STARD13: variants seen among roughly 807,000 people sequenced by gnomAD.
STARD13 encodes StAR related lipid transfer domain containing 13, also known as stAR-related lipid transfer protein 13.
STARD13 carries 62 observed loss-of-function variants against 106.4 expected under a neutral mutation model. The ratio of observed to expected loss-of-function variants is 0.58; its 90% CI spans 0.48 to 0.72. The LOEUF (loss-of-function observed/expected upper bound fraction) is 0.72, where lower values mean the gene tolerates loss of function less well. Ranked by LOEUF, STARD13 falls within the 30% of genes least tolerant of loss-of-function variation. The pLI is 0.00. For missense variants in STARD13, 1,387 were observed against 1,424.0 expected (o/e 0.97, Z 0.42); for synonymous variants, 565 against 553.0 (o/e 1.02, Z -0.31).
chr13:33,495,890 A>T, the STARD13 span, among the ~76,000 whole-genome samples: 1 of 145,006 alleles, frequency 6.9e-6, no homozygotes. Flanking sequence ...ACATATAATT[A>T]TATATAGTTA....
the STARD13 span, among the ~76,000 whole-genome samples, chr13:33,492,868 T>C: frequency 7.2e-5 from 11 of 152,118 alleles, no homozygotes; most frequent in East Asian, 1.9e-3. Context: ...GAACTCTCTC[T>C]TGGGGTCTGG....
the STARD13 span, among the ~76,000 whole-genome samples, chr13:33,574,913 C>CTTTTT: frequency 1.5e-4 from 18 of 117,580 alleles, no homozygotes; most frequent in East Asian, 8.0e-4. Flanking sequence ...TATGCATCTA[C>CTTTTT]TTTTTTTTTT....
At chr13:33,132,819 A>G (rs554063443) in intron 4 of STARD13, among the ~76,000 whole-genome samples, 2 of 152,372 alleles carry the variant, frequency 1.3e-5, no homozygotes, top group South Asian at 2.1e-4. Context: ...GTACAAGTGG[A>G]AAAAGGGCAA....
chr13:33,671,045 A>G, the STARD13 span, among the ~76,000 whole-genome samples: 1 of 152,172 alleles, frequency 6.6e-6, no homozygotes, highest in Admixed American at 6.5e-5. Context: ...GCTGATAGGT[A>G]TTTTTTCAAA....
intron 3 of STARD13, among the ~76,000 whole-genome samples, chr13:33,154,179 A>G (rs925593039): frequency 2.6e-5 from 4 of 152,196 alleles, no homozygotes; most frequent in Admixed American, 2.6e-4. Flanking sequence ...CACTGGGGGC[A>G]GGGGGCAGGA....
chr13:33,476,446 T>C, the STARD13 span, among the ~76,000 whole-genome samples: 1 of 152,238 alleles, frequency 6.6e-6, no homozygotes, highest in East Asian at 1.9e-4. Context: ...AAAGAAATTA[T>C]TGTGCACTTG....
chr13:33,394,107 C>T, the STARD13 span, among the ~76,000 whole-genome samples: 1 of 152,098 alleles, frequency 6.6e-6, no homozygotes, highest in African/African-American at 2.4e-5. Context: ...ACAATATGAA[C>T]ATCCTGAAAG....
rs117674403 is a variant in STARD13, at chr13:33,203,126, G to A, written c.170-35504C>T. Among the ~76,000 whole-genome samples, 1,478 of 152,282 alleles carry A rather than the reference G, an allele frequency of 9.7e-3. 13 individuals are homozygous for A. Among genetic ancestry groups the A allele is most frequent in the Non-Finnish European group, 0.013 (871 of 68,032 alleles). ...CACATTCTGATTCCCACAATGCAGC[G>A]GAAGAGCACAGTTGAATGGCGTGGC... On this transcript the variant is annotated intron_variant, in intron 1 of 13. Transcript: ENST00000336934.
At chr13:33,664,866 T>A in the STARD13 span, among the ~76,000 whole-genome samples, 3 of 152,192 alleles carry the variant, frequency 2.0e-5, no homozygotes, top group Non-Finnish European at 4.4e-5. Context: ...GACCTCATGA[T>A]CCGCCCGCCT....
chr13:33,214,609 A>C (rs537306310), intron 1 of STARD13, among the ~76,000 whole-genome samples: 37 of 152,068 alleles, frequency 2.4e-4, no homozygotes, highest in African/African-American at 8.4e-4. Context: ...GAACTTATTA[A>C]AGACCTTAGC....
chr13:33,304,250 T>C (rs985997110), intron 1 of STARD13, among the ~76,000 whole-genome samples: 2 of 152,154 alleles, frequency 1.3e-5, no homozygotes, highest in Non-Finnish European at 2.9e-5. Flanking sequence ...CTATTTTATT[T>C]ACATCATATA....
At chr13:33,222,837 A>G (rs1888429462) in intron 1 of STARD13, among the ~76,000 whole-genome samples, 1 of 152,258 alleles carries the variant, frequency 6.6e-6, no homozygotes, top group South Asian at 2.1e-4. Context: ...TGTAACAAAT[A>G]ATGTCACAGA....
At chr13:33,504,632 C>T in the STARD13 span, among the ~76,000 whole-genome samples, 21 of 151,632 alleles carry the variant, frequency 1.4e-4, no homozygotes, top group East Asian at 3.7e-3. Flanking sequence ...AGAGGGATAA[C>T]ATTAGGAGAT....
the STARD13 span, among the ~76,000 whole-genome samples, chr13:33,612,547 C>A: frequency 6.6e-6 from 1 of 152,084 alleles, no homozygotes; most frequent in Non-Finnish European, 1.5e-5. Context: ...TTGCAAAAAC[C>A]GCACCATCCT....
intron 1 of STARD13, among the ~76,000 whole-genome samples, chr13:33,312,269 A>C (rs149396731): frequency 7.2e-5 from 11 of 152,298 alleles, no homozygotes; most frequent in African/African-American, 2.6e-4. Flanking sequence ...ACAAAACGTT[A>C]TGTTCCTGTT....
chr13:33,261,517 C>T (rs1890640145), intron 1 of STARD13, among the ~76,000 whole-genome samples: 1 of 152,090 alleles, frequency 6.6e-6, no homozygotes, highest in African/African-American at 2.4e-5. Flanking sequence ...TTGGAGATCC[C>T]AGGTGGTCAT....
chr13:33,122,408 C>T (rs1019261778), intron 7 of STARD13, among the ~76,000 whole-genome samples: 2 of 152,166 alleles, frequency 1.3e-5, no homozygotes, highest in East Asian at 1.9e-4. Flanking sequence ...CACCCATGGA[C>T]GGGCAGCCTG....
chr13:33,636,352 A>C, the STARD13 span, among the ~76,000 whole-genome samples: 61 of 152,150 alleles, frequency 4.0e-4, 1 homozygote, highest in Admixed American at 4.0e-3. Flanking sequence ...TTGGAGGCTC[A>C]GCAGCTTTTC....
the STARD13 span, among the ~76,000 whole-genome samples, chr13:33,541,552 A>G: frequency 3.3e-5 from 5 of 152,240 alleles, no homozygotes; most frequent in African/African-American, 1.2e-4. Context: ...GCAAAAAACA[A>G]TGAAATACAC....
Sources: allele counts gnomAD v4.1 joint callset (sites outside exome capture counted in the v4.1 genomes callset), GRCh38; gene constraint gnomAD v4.1.1; transcripts MANE v1.5; gene names NCBI Gene and HGNC (gene_info 2026-07-23, HGNC 2026-07-21).